The following FAT3 variants were observed in gnomAD, a reference collection of about 807,000 sequenced individuals.
FAT3 encodes the protein FAT atypical cadherin 3, also known as protocadherin Fat 3.
Under a neutral mutation model 310.2 loss-of-function variants are expected in FAT3, and 95 were observed. That is an observed-to-expected ratio of 0.31 (90% CI 0.26 to 0.36). The LOEUF is 0.36. Ranked by LOEUF, FAT3 falls within the 10% of genes least tolerant of loss-of-function variation. The pLI is 1.00. For missense variants in FAT3, 5,408 were observed against 5,715.6 expected, an observed-to-expected ratio of 0.95 and a Z score of 1.74; for synonymous variants, 2,314 against 2,192.9, an observed-to-expected ratio of 1.06 and a Z score of -1.54.
chr11:92,341,687 T>A (rs1948265933), intron 1 of FAT3, among the ~76,000 whole-genome samples: 1 of 152,196 alleles, frequency 6.6e-6, no homozygotes, highest in African/African-American at 2.4e-5. Context: ...CATGCTATAA[T>A]TTCTACCTCT....
Position 92,764,905 on chromosome 11 carries a change from A to G in FAT3, c.4011A>G (p.Pro1337=). 1 of 1,613,814 alleles carries G rather than the reference A, an allele frequency of 6.2e-7. No individual in the cohort carries two copies. The highest frequency in any genetic ancestry group is 1.1e-5 in the South Asian group (1 of 91,070). Residue 1337 remains proline, a synonymous_variant, in exon 6 of 28, where the codon CCA becomes CCG. Transcript: ENST00000525166. ...TAAAGGCAGTGGACAATGGGCGCCC[A>G]CAGAAATCCTCCACGGCCCGCCTCC... ...LTIKAVDNGR[P]QKSSTARLHI...
At chr11:92,649,592 G>C (rs1348045051) in intron 3 of FAT3, among the ~76,000 whole-genome samples, 1 of 152,070 alleles carries the variant, frequency 6.6e-6, no homozygotes, top group African/African-American at 2.4e-5. Context: ...CCCCAAAGTT[G>C]CATAGCAGGA....
intron 4 of FAT3, among the ~76,000 whole-genome samples, chr11:92,723,993 T>G (rs1944932113): frequency 6.6e-6 from 1 of 152,202 alleles, no homozygotes; most frequent in Non-Finnish European, 1.5e-5. Context: ...AGGTATAAAA[T>G]ACAAAACCAG....
chr11:92,742,920 G>T lies in FAT3; in HGVS notation c.3670-18936G>T, dbSNP rs560734969. Among the ~76,000 whole-genome samples the T allele has an allele frequency of 2.6e-5, 4 of 152,338 alleles. No homozygotes were observed. The East Asian group carries it at 7.7e-4, about 29-fold the overall frequency. Reference sequence around the variant, plus strand: ...TGATTGTGTGATTAAAACTGTAGGTGTAGCGGTGTTAGACACTGGAGGCTA... The same window carrying T: ...TGATTGTGTGATTAAAACTGTAGGTTTAGCGGTGTTAGACACTGGAGGCTA... On this transcript the variant is annotated intron_variant, in intron 4 of 27. Coordinates refer to ENST00000525166, the MANE Select transcript of FAT3 (RefSeq NM_001367949.2).
rs112218261 is a variant in FAT3 at position 92,817,464 on chromosome 11, C to T, written c.9481+7388C>T. Reference sequence around the variant, plus strand: ...TTGATAGAGCTTCCCTGTTTTGCCCCGAGTGTGTATCTCAGCTGTCCTCAG... The same window carrying T: ...TTGATAGAGCTTCCCTGTTTTGCCCTGAGTGTGTATCTCAGCTGTCCTCAG... On this transcript the variant is annotated intron_variant, in intron 13 of 27. Transcript: ENST00000525166. 3.4e-3 allele frequency among the ~76,000 whole-genome samples: 513 copies of T among 152,276 alleles called. 2 individuals carry two copies. Among genetic ancestry groups the T allele is most frequent in the African/African-American group, 0.012 (479 of 41,548 alleles).
At chr11:92,633,598 A>G (rs1240950506) in intron 3 of FAT3, among the ~76,000 whole-genome samples, 1 of 152,172 alleles carries the variant, frequency 6.6e-6, no homozygotes, top group African/African-American at 2.4e-5. Context: ...TTTTTAGCAT[A>G]TGGATGACAA....
At chr11:92,391,900 G>T (rs546868202) in intron 2 of FAT3, among the ~76,000 whole-genome samples, 1 of 152,304 alleles carries the variant, frequency 6.6e-6, no homozygotes, top group East Asian at 1.9e-4. Flanking sequence ...AGATAAACAG[G>T]ACCAGTGTCC....
intron 3 of FAT3, among the ~76,000 whole-genome samples, chr11:92,628,382 A>T (rs1409418102): frequency 6.6e-6 from 1 of 152,116 alleles, no homozygotes; most frequent in Non-Finnish European, 1.5e-5. Flanking sequence ...GTGTTTTCCT[A>T]AAGTGGAGCA....
At chr11:92,819,924 G>C (rs192831800) in intron 13 of FAT3, among the ~76,000 whole-genome samples, 1 of 152,140 alleles carries the variant, frequency 6.6e-6, no homozygotes, top group African/African-American at 2.4e-5. Flanking sequence ...ATATTCCTCC[G>C]TTATGGTAGC....
At chr11:92,666,260 G>A (rs1942945223) in intron 3 of FAT3, among the ~76,000 whole-genome samples, 1 of 151,960 alleles carries the variant, frequency 6.6e-6, no homozygotes, top group South Asian at 2.1e-4. Context: ...TGATTTAATT[G>A]ATAAAGGTGT....
rs563898831 is a variant in FAT3, at chr11:92,770,029, T to G, written c.4196-4012T>G. ...TGGCTGTATTTCTCTAGCGAAAGAC[T>G]CTTACCCAGTGATATGGAGAGAAAC... On this transcript the variant is annotated intron_variant, in intron 6 of 27. Coordinates refer to ENST00000525166, the MANE Select transcript of FAT3 (RefSeq NM_001367949.2). Among the ~76,000 whole-genome samples the G allele has an allele frequency of 1.2e-4, 19 of 152,322 alleles. No homozygotes were observed. In the East Asian group the frequency reaches 3.7e-3, roughly 29 times the overall value.
chr11:92,412,758 T>TATATATATATATATATACACAC (rs1555038657), intron 2 of FAT3, among the ~76,000 whole-genome samples: 2 of 61,188 alleles, frequency 3.3e-5, no homozygotes, highest in South Asian at 7.7e-4. Context: ...TATACATACA[T>TATATATATATATATATACACAC]ATATATATAT....
At position 92,799,543 on chromosome 11, in the gene FAT3, C is replaced by G; in HGVS notation, c.6530C>G (p.Thr2177Ser). Residue 2177 changes from threonine to serine, a missense_variant, in exon 10 of 28, where the codon ACT (threonine) becomes AGT (serine). Physicochemically the swap from Thr to Ser is moderately conservative, Grantham distance 58. Coordinates refer to ENST00000525166, the MANE Select transcript of FAT3 (RefSeq NM_001367949.2). The stretch of plus-strand genomic sequence containing the variant: ...TCTACATCTGTGGAGCTTCCCATCA[C>G]TATTGTCAACAAAGCAATGCCTGTG... ...SLSTSVELPITIVNKAMPVFD... is the reference protein window; with the variant it reads ...SLSTSVELPISIVNKAMPVFD... 6.2e-7 allele frequency: 1 copy of G among 1,613,822 alleles called. No individual in the cohort carries two copies. The highest frequency in any genetic ancestry group is 2.2e-5 in the East Asian group (1 of 44,852).
intron 2 of FAT3, among the ~76,000 whole-genome samples, chr11:92,369,531 C>G (rs1949127704): frequency 6.6e-6 from 1 of 152,020 alleles, no homozygotes; most frequent in South Asian, 2.1e-4. Flanking sequence ...AGGAGGTGCC[C>G]TGGAAATTCT....
intron 1 of FAT3, among the ~76,000 whole-genome samples, chr11:92,307,391 A>T (rs1388947855): frequency 6.6e-6 from 1 of 152,236 alleles, no homozygotes; most frequent in African/African-American, 2.4e-5. Context: ...AAATGAAACA[A>T]AAGTAAATGC....
intron 1 of FAT3, among the ~76,000 whole-genome samples, chr11:92,325,051 C>G (rs1036610668): frequency 2.6e-5 from 4 of 152,170 alleles, no homozygotes; most frequent in African/African-American, 9.7e-5. Context: ...TATGTCAAGT[C>G]TCTGGGGAGA....
intron 14 of FAT3, 25 bp downstream of exon 14, chr11:92,832,036 A>C (rs1206803741): frequency 1.1e-5 from 17 of 1,509,812 alleles, no homozygotes; most frequent in Non-Finnish European, 1.4e-5. Flanking sequence ...CTGTACTTAG[A>C]ATACAGAGCT....
intron 1 of FAT3, among the ~76,000 whole-genome samples, chr11:92,298,040 C>A (rs563042886): frequency 1.3e-5 from 2 of 151,976 alleles, no homozygotes; most frequent in Non-Finnish European, 2.9e-5. Flanking sequence ...CAAGGAAATG[C>A]GGGTGGTGAG....
intron 4 of FAT3, among the ~76,000 whole-genome samples, chr11:92,747,387 G>T (rs771969409): frequency 6.6e-6 from 1 of 152,190 alleles, no homozygotes. Flanking sequence ...TGGGATGCAG[G>T]GCACCATGTC....
Sources: gnomAD v4.1 joint callset for allele counts (sites outside exome capture counted in the v4.1 genomes callset) on GRCh38, gnomAD v4.1.1 for gene constraint, MANE v1.5 for transcripts, NCBI Gene and HGNC (gene_info 2026-07-23, HGNC 2026-07-21) for gene names.